SAXO1: variants seen among roughly 807,000 people sequenced by gnomAD.
SAXO1 encodes the protein 4930500O09Rik.
In SAXO1, 21 loss-of-function variants were observed where a neutral mutation model predicts 17.5. The observed-to-expected ratio is 1.20, with a 90% CI of 0.85 to 1.72. The LOEUF is 1.72. Among genes scored for constraint, SAXO1 ranks in the 40% most tolerant of loss-of-function variants. The probability of loss-of-function intolerance (pLI) is 0.00; values close to 1 mark genes in which losing one functional copy is unlikely to be tolerated. For missense variants in SAXO1, 843 were observed against 596.0 expected (o/e 1.41, Z -4.32); for synonymous variants, 274 against 216.5 (o/e 1.27, Z -2.33).
intron 1 of SAXO1, among the ~76,000 whole-genome samples, chr9:18,997,557 A>G (rs1314237377): frequency 6.6e-6 from 1 of 152,270 alleles, no homozygotes; most frequent in Non-Finnish European, 1.5e-5. Context: ...AAAAGGAAGT[A>G]GAGAGCTTCT....
chr9:18,986,746 G>C (rs1403750566), intron 1 of SAXO1, among the ~76,000 whole-genome samples: 1 of 152,202 alleles, frequency 6.6e-6, no homozygotes, highest in East Asian at 1.9e-4. Context: ...ACATACAGTT[G>C]TGCAGGTTGC....
chr9:18,996,350 C>T (rs1833999718), intron 1 of SAXO1, among the ~76,000 whole-genome samples: 1 of 152,198 alleles, frequency 6.6e-6, no homozygotes, highest in East Asian at 1.9e-4. Context: ...ATTGTGCAAA[C>T]ATCTCAGAGT....
chr9:18,955,156 T>G (rs1040125624), intron 1 of SAXO1, among the ~76,000 whole-genome samples: 1 of 152,140 alleles, frequency 6.6e-6, no homozygotes, highest in African/African-American at 2.4e-5. Flanking sequence ...TGATCTTGTC[T>G]GGGAATAGCC....
At chr9:18,991,017 G>A (rs1035883670) in intron 1 of SAXO1, among the ~76,000 whole-genome samples, 8 of 152,138 alleles carry the variant, frequency 5.3e-5, no homozygotes, top group Non-Finnish European at 1.0e-4. Flanking sequence ...CAGCACTTTG[G>A]GAGGCCAAGG....
chr9:19,027,350 C>T (rs886901374), intron 1 of SAXO1: 4 of 783,946 alleles, frequency 5.1e-6, no homozygotes, highest in South Asian at 4.1e-5. Flanking sequence ...GAGTACGACT[C>T]GCGGGTGAAG....
chr9:18,965,060 G>A (rs1588449898), intron 1 of SAXO1, among the ~76,000 whole-genome samples: 1 of 152,176 alleles, frequency 6.6e-6, no homozygotes, highest in African/African-American at 2.4e-5. Flanking sequence ...ATGTAGTCGT[G>A]CAGTTTTGAG....
chr9:18,999,637 C>A lies in SAXO1; in HGVS notation c.38+33234G>T, dbSNP rs7033843. 9.6e-3 allele frequency among the ~76,000 whole-genome samples: 1,419 copies of A among 147,872 alleles called. 129 individuals are homozygous for A. Among genetic ancestry groups the A allele is most frequent in the African/African-American group, 0.033 (1,277 of 38,368 alleles). ...CCCACCATCTGGGAAGTGAAGAGCC[C>A]CTCTGCCCGGCCGCCACACCGTCTG... On this transcript the variant is annotated intron_variant, in intron 1 of 3. Transcript: ENST00000380534.
At chr9:19,035,638 G>A (rs1340856166), upstream of SAXO1, among the ~76,000 whole-genome samples, 1 of 152,212 alleles carries the variant, frequency 6.6e-6, no homozygotes, top group African/African-American at 2.4e-5. Context: ...ACTTCCTAGA[G>A]ACTTGTTGAA....
At chr9:18,957,938 G>T (rs1034409774) in intron 1 of SAXO1, among the ~76,000 whole-genome samples, 2 of 152,050 alleles carry the variant, frequency 1.3e-5, no homozygotes, top group Non-Finnish European at 2.9e-5. Context: ...GAGGCCAAAG[G>T]ACAAGTAAAC....
chr9:19,014,811 T>C (rs1385920084), intron 1 of SAXO1, among the ~76,000 whole-genome samples: 1 of 152,144 alleles, frequency 6.6e-6, no homozygotes, highest in Admixed American at 6.5e-5. Context: ...ATAGAGGCTC[T>C]ACATGAAAAA....
chr9:19,034,834 G>C (rs1835894579), upstream of SAXO1, among the ~76,000 whole-genome samples: 2 of 152,176 alleles, frequency 1.3e-5, no homozygotes, highest in Non-Finnish European at 2.9e-5. Context: ...ATACAGTGCT[G>C]GACACCAGCC....
At chr9:19,039,845 C>T (rs1436763509) in intron 1 of SAXO1, among the ~76,000 whole-genome samples, 2 of 152,166 alleles carry the variant, frequency 1.3e-5, no homozygotes, top group African/African-American at 4.8e-5. Context: ...TCTCCTGCCT[C>T]AGCCTCCCCA....
intron 1 of SAXO1, among the ~76,000 whole-genome samples, chr9:19,015,726 G>A (rs181959035): frequency 5.0e-4 from 75 of 150,048 alleles, no homozygotes; most frequent in African/African-American, 1.7e-3. Context: ...CGATCCTTCT[G>A]CCTCAGCCTC....
chr9:18,933,423 T>A, intron 3 of SAXO1, among the ~76,000 whole-genome samples: 1 of 152,358 alleles, frequency 6.6e-6, no homozygotes, highest in East Asian at 1.9e-4. Context: ...AAAAATATCT[T>A]TTTAATGATT....
At chr9:19,001,525 G>A (rs1401301768) in intron 1 of SAXO1, among the ~76,000 whole-genome samples, 1 of 152,200 alleles carries the variant, frequency 6.6e-6, no homozygotes, top group African/African-American at 2.4e-5. Context: ...AAATTAGCCA[G>A]GTGTGGTGGC....
intron 3 of SAXO1, among the ~76,000 whole-genome samples, chr9:18,937,897 G>A (rs1347262635): frequency 6.6e-6 from 1 of 152,082 alleles, no homozygotes; most frequent in Non-Finnish European, 1.5e-5. Flanking sequence ...AACTAAGAAA[G>A]TAGTATTCAA....
intron 1 of SAXO1, among the ~76,000 whole-genome samples, chr9:19,045,662 C>T (rs2131077354): frequency 6.6e-6 from 1 of 152,290 alleles, no homozygotes; most frequent in East Asian, 1.9e-4. Context: ...CCAAAGAGCA[C>T]AGGTCTAAAT....
chr9:19,015,925 G>T (rs138619207), intron 1 of SAXO1, among the ~76,000 whole-genome samples: 330 of 152,268 alleles, frequency 2.2e-3, no homozygotes, highest in Non-Finnish European at 3.5e-3. Flanking sequence ...CTGAGCCTCA[G>T]ACCCACAGAA....
chr9:19,028,200 T>C lies in SAXO1; in HGVS notation c.38+4671A>G, dbSNP rs181139649. Reference sequence around the variant, plus strand: ...AATAAAAGATGGTTTAGAGGCAAAATAAAACAAAACAAAAAAAATACAAAA... The same window carrying C: ...AATAAAAGATGGTTTAGAGGCAAAACAAAACAAAACAAAAAAAATACAAAA... On this transcript the variant is annotated intron_variant, in intron 1 of 3. Coordinates refer to ENST00000380534, the MANE Select transcript of SAXO1 (RefSeq NM_153707.4). 3.1e-3 allele frequency: 3,526 copies of C among 1,148,696 alleles called. 12 individuals are homozygous for C. The highest frequency in any genetic ancestry group is 4.1e-3 in the Non-Finnish European group (3,252 of 799,574). 71.2% of individuals were successfully genotyped at this position (1,148,696 alleles called of 1,614,324 possible). A position where few individuals can be genotyped will look rare whatever the true frequency, so the allele number is the denominator to read the frequency against.
Sources: gnomAD v4.1 joint callset for allele counts (sites outside exome capture counted in the v4.1 genomes callset) on GRCh38, gnomAD v4.1.1 for gene constraint, MANE v1.5 for transcripts, NCBI Gene and HGNC (gene_info 2026-07-23, HGNC 2026-07-21) for gene names.